Variants in CACNA1H observed in about 807,000 individuals in gnomAD.
The protein encoded by CACNA1H is voltage-dependent T-type calcium channel subunit alpha-1H.
A neutral mutation model predicts 192.5 loss-of-function variants in CACNA1H; 149 were observed. That is an observed-to-expected ratio of 0.77 (90% CI 0.68 to 0.89). CACNA1H has a LOEUF of 0.89. CACNA1H is among the 40% of genes least tolerant of loss of function. The pLI is 0.00. For missense variants in CACNA1H, 4,257 were observed against 3,423.5 expected, an observed-to-expected ratio of 1.24 and a Z score of -6.08; for synonymous variants, 2,202 against 1,475.2, an observed-to-expected ratio of 1.49 and a Z score of -11.29.
chr16:1,198,782 G>A lies in CACNA1H; in HGVS notation c.803+8G>A. The A allele has an allele frequency of 6.2e-7, 1 of 1,607,128 alleles. No homozygotes were observed. The highest frequency in any genetic ancestry group is 8.5e-7 in the Non-Finnish European group (1 of 1,177,688). On this transcript the variant is annotated splice_region_variant and intron_variant, in intron 6 of 34. Transcript: ENST00000348261. ...GGACAGTGCCTTTGTCAGGTGCCCAGGCCCCACCCCCGTGAGGCCCCTGCC... is the reference window on the plus strand; with the variant it reads ...GGACAGTGCCTTTGTCAGGTGCCCAAGCCCCACCCCCGTGAGGCCCCTGCC...
At chr16:1,173,540 T>C (rs1285199208) in intron 2 of CACNA1H, among the ~76,000 whole-genome samples, 1 of 152,256 alleles carries the variant, frequency 6.6e-6, no homozygotes. Context: ...TAATAAGCCC[T>C]TTGTGTGTTA....
chr16:1,206,712 T>C, intron 12 of CACNA1H: 1 of 462,572 alleles, frequency 2.2e-6, no homozygotes, highest in East Asian at 3.9e-5. Flanking sequence ...ATGAGGCAGG[T>C]GTCCCAGGTT....
At chr16:1,215,742 T>G (rs1969972285) in intron 30 of CACNA1H, 149 bp downstream of exon 30, 4 of 681,384 alleles carry the variant, frequency 5.9e-6, no homozygotes, top group African/African-American at 3.5e-5. Context: ...GTGCAGTGCA[T>G]GGCTTGGCTG....
chr16:1,219,187 A>T, intron 34 of CACNA1H, 57 bp downstream of exon 34: 1 of 1,441,328 alleles, frequency 6.9e-7, no homozygotes, highest in African/African-American at 1.4e-5. Context: ...GCTTGCAGGG[A>T]TGCCTCGTCT....
Position 1,200,614 on chromosome 16 carries a change from G to C in CACNA1H, c.1119+43G>C, listed in dbSNP as rs750648909. ...GGGACGGGGACCCTGGGGCACGGCA[G>C]GGGAGCGGGTGCAGGACTCGCCCCC... On this transcript the variant is annotated intron_variant, in intron 7 of 34. Transcript: ENST00000348261. 3 of 1,605,538 alleles carry C rather than the reference G, an allele frequency of 1.9e-6. No homozygotes were observed. The African/African-American group carries it at 4.0e-5, about 21-fold the overall frequency.
intron 2 of CACNA1H, among the ~76,000 whole-genome samples, chr16:1,158,765 G>A (rs1027970238): frequency 9.9e-5 from 15 of 152,186 alleles, no homozygotes; most frequent in African/African-American, 3.6e-4. Context: ...TGCCGAGAGA[G>A]CTCTAGTTCC....
intron 5 of CACNA1H, among the ~76,000 whole-genome samples, chr16:1,196,922 C>A (rs776097796): frequency 2.0e-5 from 3 of 152,176 alleles, no homozygotes; most frequent in Non-Finnish European, 4.4e-5. Flanking sequence ...GTGCATACTG[C>A]GTGTAGATGT....
intron 9 of CACNA1H, 84 bp from the exon 10 acceptor site, chr16:1,203,926 C>A (rs773341166): frequency 2.5e-5 from 25 of 994,736 alleles, no homozygotes; most frequent in Non-Finnish European, 3.5e-5. Flanking sequence ...ACATTCACCC[C>A]ACCGCTCCTG....
chr16:1,187,467 G>A (rs1432557411), intron 2 of CACNA1H, among the ~76,000 whole-genome samples: 6 of 152,194 alleles, frequency 3.9e-5, no homozygotes, highest in Non-Finnish European at 1.5e-5. Context: ...TGCCTTTCCC[G>A]CCCACACCCC....
chr16:1,192,244 G>C (rs1398581852), intron 2 of CACNA1H, among the ~76,000 whole-genome samples: 4 of 152,224 alleles, frequency 2.6e-5, no homozygotes, highest in Non-Finnish European at 5.9e-5. Flanking sequence ...GGGTCTCAGT[G>C]GCATGGCAGA....
chr16:1,207,089 C>T lies in CACNA1H; in HGVS notation c.2878C>T (p.Leu960=), dbSNP rs1299774056. The T allele has an allele frequency of 2.5e-6, 4 of 1,599,374 alleles. No individual in the cohort carries two copies. The highest frequency in any genetic ancestry group is 1.3e-5 in the African/African-American group (1 of 74,714). Residue 960 remains leucine, a synonymous_variant, in exon 13 of 35, where the codon CTG becomes TTG. Coordinates refer to ENST00000348261, the MANE Select transcript of CACNA1H (RefSeq NM_021098.3). ...TVPDRKNFDS[L]LWAIVTVFQI... The stretch of plus-strand genomic sequence containing the variant: ...GCCTGACAGGAAGAACTTCGACTCC[C>T]TGCTGTGGGCCATCGTCACCGTGTT...
intron 2 of CACNA1H, among the ~76,000 whole-genome samples, chr16:1,171,611 G>A (rs1054252345): frequency 2.6e-5 from 4 of 152,200 alleles, no homozygotes; most frequent in African/African-American, 9.7e-5. Flanking sequence ...TTTGTCCCTC[G>A]GAGCTGTGGG....
intron 30 of CACNA1H, among the ~76,000 whole-genome samples, chr16:1,216,036 C>T (rs867045437): frequency 6.6e-6 from 1 of 152,114 alleles, no homozygotes; most frequent in Non-Finnish European, 1.5e-5. Flanking sequence ...TTCTGTCCTC[C>T]AAGGCCAAGA....
chr16:1,209,489 A>G (rs1374018984), intron 17 of CACNA1H, 77 bp downstream of exon 17: 1 of 1,548,528 alleles, frequency 6.5e-7, no homozygotes, highest in African/African-American at 1.4e-5. Context: ...GGGGTTTGAG[A>G]TGGGATTCAG....
intron 2 of CACNA1H, among the ~76,000 whole-genome samples, chr16:1,173,162 G>A (rs907533687): frequency 2.0e-5 from 3 of 152,184 alleles, no homozygotes; most frequent in Admixed American, 6.5e-5. Flanking sequence ...AGCAGCTGAC[G>A]GGCGCGAGGT....
chr16:1,189,734 A>AT (rs572385689), intron 2 of CACNA1H, among the ~76,000 whole-genome samples: 69 of 152,082 alleles, frequency 4.5e-4, no homozygotes, highest in African/African-American at 1.6e-3. Context: ...GAGAGCACTG[A>AT]TTATAGAGTG....
intron 2 of CACNA1H, among the ~76,000 whole-genome samples, chr16:1,189,097 G>C (rs1966350263): frequency 6.6e-6 from 1 of 152,192 alleles, no homozygotes; most frequent in Non-Finnish European, 1.5e-5. Context: ...AAAGGAGGCT[G>C]GGGGGCTGCC....
At chr16:1,162,827 A>G (rs368187036) in intron 2 of CACNA1H, among the ~76,000 whole-genome samples, 22 of 152,236 alleles carry the variant, frequency 1.4e-4, no homozygotes, top group Admixed American at 1.2e-3. Flanking sequence ...CCGAGGGAGT[A>G]TGAGCAGGGG....
chr16:1,162,642 G>GC (rs1555500497), intron 2 of CACNA1H, among the ~76,000 whole-genome samples: 1 of 150,354 alleles, frequency 6.7e-6, no homozygotes, highest in Admixed American at 6.6e-5. Context: ...CCTGGAGTGG[G>GC]GGGGGGGGGT....
Sources: allele counts gnomAD v4.1 joint callset (sites outside exome capture counted in the v4.1 genomes callset), GRCh38; gene constraint gnomAD v4.1.1; transcripts MANE v1.5; gene names NCBI Gene and HGNC (gene_info 2026-07-23, HGNC 2026-07-21).